PALM2AKAP2: variants seen among roughly 807,000 people sequenced by gnomAD.
PALM2AKAP2 encodes the protein PALM2-AKAP2 fusion protein.
Under a neutral mutation model 71.5 loss-of-function variants are expected in PALM2AKAP2, and 37 were observed. That is an observed-to-expected ratio of 0.52 (90% CI 0.40 to 0.68). The LOEUF is 0.68. Among genes scored for constraint, PALM2AKAP2 ranks in the 30% least tolerant of loss-of-function variants. PALM2AKAP2 has a pLI of 0.00. For synonymous variants in PALM2AKAP2, 468 were observed against 478.8 expected (o/e 0.98, Z 0.29); for missense variants, 1,224 against 1,191.8 (o/e 1.03, Z -0.40).
At chr9:110,032,025 C>G (rs1384908106) in intron 7 of PALM2AKAP2, among the ~76,000 whole-genome samples, 3 of 149,220 alleles carry the variant, frequency 2.0e-5, no homozygotes, top group African/African-American at 7.4e-5. Context: ...AACCGAACAG[C>G]CTTCTCAGTA....
intron 1 of PALM2AKAP2, among the ~76,000 whole-genome samples, chr9:109,700,262 T>C (rs1828033266): frequency 6.6e-6 from 1 of 151,662 alleles, no homozygotes; most frequent in Admixed American, 6.6e-5. Flanking sequence ...TGGGGGTGGG[T>C]TTTTCCTGTG....
rs899102121 is a variant in PALM2AKAP2 at position 110,097,968 on chromosome 9, G to A, written c.157-38159G>A. Among the ~76,000 whole-genome samples, 10 of 143,548 alleles carry A rather than the reference G, an allele frequency of 7.0e-5. 1 individual carries two copies. The highest frequency in any genetic ancestry group is 2.9e-4 in the African/African-American group (10 of 35,042). The allele number at this position is 143,548 out of a possible 152,430, so 94.2% of individuals were successfully genotyped here. On this transcript the variant is annotated intron_variant, in intron 1 of 3. Coordinates refer to ENST00000374525, the Ensembl canonical transcript of PALM2AKAP2. ...GTGGTAAGGAGCTGGAGACCAGCCC[G>A]GCCAACACAGCGAAACCCCGTCTCC... is the stretch of plus-strand genomic sequence containing the variant.
chr9:109,996,791 G>T (rs985686451), intron 6 of PALM2AKAP2, among the ~76,000 whole-genome samples: 1 of 152,242 alleles, frequency 6.6e-6, no homozygotes, highest in Non-Finnish European at 1.5e-5. Context: ...ATGCACATGG[G>T]TGTGTGCATG....
intron 2 of PALM2AKAP2, among the ~76,000 whole-genome samples, chr9:109,878,473 T>A (rs1346011095): frequency 6.6e-6 from 1 of 152,252 alleles, no homozygotes; most frequent in Non-Finnish European, 1.5e-5. Context: ...GCCTATGTGC[T>A]GCAAGAGTAA....
intron 3 of PALM2AKAP2, among the ~76,000 whole-genome samples, chr9:110,167,402 T>G (rs1029060978): frequency 6.6e-6 from 1 of 152,256 alleles, no homozygotes; most frequent in Non-Finnish European, 1.5e-5. Flanking sequence ...ATGCCTGGAC[T>G]TGTTTTCTGC....
chr9:109,937,453 T>A (rs537115629), intron 6 of PALM2AKAP2, among the ~76,000 whole-genome samples: 34 of 152,310 alleles, frequency 2.2e-4, no homozygotes, highest in Middle Eastern at 3.4e-3. Context: ...CAGTCATTCA[T>A]CTGTATCCCT....
chr9:109,941,599 C>T (rs779177869), intron 6 of PALM2AKAP2, among the ~76,000 whole-genome samples: 3 of 152,130 alleles, frequency 2.0e-5, no homozygotes, highest in Non-Finnish European at 4.4e-5. Flanking sequence ...TTGATGGGTT[C>T]GTGGCACATC....
rs185952450 is a variant in PALM2AKAP2, at chr9:109,990,948, G to A, written c.497-25006G>A. 2.7e-3 allele frequency among the ~76,000 whole-genome samples: 407 copies of A among 152,302 alleles called. 3 individuals are homozygous for A. The highest frequency in any genetic ancestry group is 2.9e-3 in the Non-Finnish European group (200 of 68,020). ...GTGCCGAGTAATTTGTTTTCAACTA[G>A]TGTAAGAGGGCCATCTTGGGCTAGT... is the stretch of plus-strand genomic sequence containing the variant. On this transcript the variant is annotated intron_variant, in intron 6 of 9. Transcript: ENST00000302798.
intron 6 of PALM2AKAP2, among the ~76,000 whole-genome samples, chr9:109,960,808 G>A (rs189780310): frequency 1.3e-4 from 20 of 152,294 alleles, no homozygotes; most frequent in African/African-American, 4.3e-4. Context: ...AGGAGAGGCT[G>A]AACTTCCCTC....
At chr9:109,877,613 A>G (rs868026588) in intron 2 of PALM2AKAP2, among the ~76,000 whole-genome samples, 26 of 152,204 alleles carry the variant, frequency 1.7e-4, no homozygotes, top group African/African-American at 5.8e-4. Flanking sequence ...AAACATTTCT[A>G]TAGTACTAAG....
chr9:110,035,831 G>GTGTTATATATAACATATATATGATATGT lies in PALM2AKAP2; in HGVS notation c.582+19804_582+19805insCATATATATGATATGTTGTTATATATAA, dbSNP rs1833396595. 6.1e-5 allele frequency among the ~76,000 whole-genome samples: 9 copies of GTGTTATATATAACATATATATGATATGT among 146,572 alleles called. No homozygotes were observed. The South Asian group carries it at 1.9e-3, about 32-fold the overall frequency. On this transcript the variant is annotated intron_variant, in intron 7 of 9. Coordinates refer to the PALM2AKAP2 transcript ENST00000302798. Reference sequence around the variant, plus strand: ...ATGTAACATATATATGATATGTTGTGTGTTATATATAATATATATGATATG... The same window carrying GTGTTATATATAACATATATATGATATGT: ...ATGTAACATATATATGATATGTTGTGTGTTATATATAACATATATATGATATGTTGTTATATATAATATATATGATATG...
chr9:109,742,765 G>C (rs1417836307), intron 1 of PALM2AKAP2, among the ~76,000 whole-genome samples: 1 of 152,188 alleles, frequency 6.6e-6, no homozygotes, highest in African/African-American at 2.4e-5. Context: ...ATTTGGGGTA[G>C]AGAAGATTAA....
chr9:109,943,233 G>T (rs1232649944), intron 6 of PALM2AKAP2: 3 of 1,614,116 alleles, frequency 1.9e-6, no homozygotes, highest in Admixed American at 1.7e-5. Context: ...AAGATGATGA[G>T]AAGTCATTGA....
At chr9:110,004,582 G>T (rs961551811) in intron 6 of PALM2AKAP2, among the ~76,000 whole-genome samples, 1 of 152,162 alleles carries the variant, frequency 6.6e-6, no homozygotes, top group African/African-American at 2.4e-5. Context: ...GGCCTGCCTT[G>T]CTAGATTGGG....
rs557293101 is a variant in PALM2AKAP2 at position 110,042,691 on chromosome 9, A to G, written c.582+26652A>G. Among the ~76,000 whole-genome samples, 4 of 152,112 alleles carry G rather than the reference A, an allele frequency of 2.6e-5. No homozygotes were observed. In the East Asian group the frequency reaches 5.8e-4, roughly 22 times the overall value. ...GAGGTTGTCTGATGCTCACCCCACT[A>G]TTTTTATGGATTTTTATCTTGAGGC... On this transcript the variant is annotated intron_variant, in intron 7 of 9. Coordinates refer to the PALM2AKAP2 transcript ENST00000302798.
At chr9:109,838,884 C>T (rs888139914) in intron 1 of PALM2AKAP2, among the ~76,000 whole-genome samples, 16 of 152,234 alleles carry the variant, frequency 1.1e-4, no homozygotes, top group African/African-American at 3.4e-4. Context: ...GAAATTAAGG[C>T]AATAATTAAT....
At chr9:109,841,892 G>T (rs1394693226) in intron 1 of PALM2AKAP2, among the ~76,000 whole-genome samples, 3 of 116,054 alleles carry the variant, frequency 2.6e-5, no homozygotes, top group Non-Finnish European at 5.4e-5. Flanking sequence ...AGAGATAGAG[G>T]AGAAGTTGGA....
At chr9:109,732,711 G>T (rs1366162914) in intron 1 of PALM2AKAP2, among the ~76,000 whole-genome samples, 1 of 152,176 alleles carries the variant, frequency 6.6e-6, no homozygotes, top group Admixed American at 6.5e-5. Flanking sequence ...TGCGGGTAAT[G>T]ATGAGTGCTA....
intron 1 of PALM2AKAP2, among the ~76,000 whole-genome samples, chr9:109,682,844 C>CA (rs1344867325): frequency 1.3e-5 from 2 of 152,090 alleles, no homozygotes; most frequent in African/African-American, 2.4e-5. Context: ...AGTGGCCCTC[C>CA]AAAAAACATA....
Sources: allele counts gnomAD v4.1 joint callset (sites outside exome capture counted in the v4.1 genomes callset), GRCh38; gene constraint gnomAD v4.1.1; transcripts MANE v1.5; gene names NCBI Gene and HGNC (gene_info 2026-07-23, HGNC 2026-07-21).